Variants in EBF1 observed in about 807,000 individuals in gnomAD.
The protein encoded by EBF1 is transcription factor COE1.
EBF1 carries 10 observed loss-of-function variants against 68.4 expected under a neutral mutation model. The ratio of observed to expected loss-of-function variants is 0.15; its 90% CI spans 0.09 to 0.25. The LOEUF is 0.25. EBF1 is among the 10% of genes least tolerant of loss of function. The pLI is 1.00. For missense variants in EBF1, 509 were observed against 794.4 expected (o/e 0.64, Z 4.32); for synonymous variants, 298 against 299.8 (o/e 0.99, Z 0.06).
chr5:158,864,131 G>A (rs538328803), intron 6 of EBF1, among the ~76,000 whole-genome samples: 1 of 150,538 alleles, frequency 6.6e-6, no homozygotes, highest in East Asian at 2.0e-4. Flanking sequence ...GGCTGAAGCA[G>A]GAGAATCACT....
At chr5:158,739,272 A>T (rs888128253) in intron 10 of EBF1, among the ~76,000 whole-genome samples, 10 of 152,216 alleles carry the variant, frequency 6.6e-5, no homozygotes, top group African/African-American at 2.2e-4. Flanking sequence ...CTGGAGGGCT[A>T]TACTGTGTCT....
chr5:158,867,576 G>T (rs555536057), intron 6 of EBF1, among the ~76,000 whole-genome samples: 8 of 152,252 alleles, frequency 5.3e-5, no homozygotes, highest in African/African-American at 1.7e-4. Context: ...GGCAAAGAAG[G>T]CCTGAGATTT....
chr5:158,877,981 T>A (rs1361755240), intron 6 of EBF1, among the ~76,000 whole-genome samples: 1 of 151,838 alleles, frequency 6.6e-6, no homozygotes, highest in Non-Finnish European at 1.5e-5. Context: ...TAACTCCATG[T>A]TGCTGTATGG....
intron 15 of EBF1, chr5:158,707,690 T>C (rs543296199): frequency 4.7e-5 from 19 of 402,600 alleles, no homozygotes; most frequent in Non-Finnish European, 8.6e-5. Flanking sequence ...ATGATGCTGT[T>C]AGTCAGTAGA....
chr5:159,053,614 C>CAG (rs1453333088), intron 6 of EBF1, among the ~76,000 whole-genome samples: 1 of 151,610 alleles, frequency 6.6e-6, no homozygotes, highest in African/African-American at 2.4e-5. Context: ...CTCACACACA[C>CAG]ACACACACAC....
chr5:159,024,003 T>C (rs1221214537), intron 6 of EBF1, among the ~76,000 whole-genome samples: 1 of 152,154 alleles, frequency 6.6e-6, no homozygotes, highest in Admixed American at 6.5e-5. Flanking sequence ...GCTAGTGGGA[T>C]TATTCAAGCA....
chr5:158,775,732 A>G (rs1164210988), intron 10 of EBF1, among the ~76,000 whole-genome samples: 1 of 146,332 alleles, frequency 6.8e-6, no homozygotes, highest in East Asian at 2.1e-4. Context: ...CAGCCCCATA[A>G]TGAGACTTGT....
intron 7 of EBF1, 91 bp from the exon 8 acceptor site, chr5:158,823,408 G>A (rs1319240506): frequency 5.9e-5 from 73 of 1,240,404 alleles, no homozygotes; most frequent in South Asian, 1.5e-5. Flanking sequence ...GCTGGGAGCT[G>A]AAGAAAATTG....
intron 6 of EBF1, among the ~76,000 whole-genome samples, chr5:158,850,153 T>A (rs2127993866): frequency 6.6e-6 from 1 of 152,354 alleles, no homozygotes; most frequent in African/African-American, 2.4e-5. Context: ...CATTCAAGTG[T>A]AACCCAAAGG....
At chr5:158,987,947 T>G (rs755773582) in intron 6 of EBF1, among the ~76,000 whole-genome samples, 7 of 152,002 alleles carry the variant, frequency 4.6e-5, no homozygotes, top group Non-Finnish European at 7.4e-5. Flanking sequence ...GGGAATGGCA[T>G]CCCCCCGGGG....
chr5:159,069,363 CT>C (rs1481583417), intron 6 of EBF1, among the ~76,000 whole-genome samples: 1 of 152,090 alleles, frequency 6.6e-6, no homozygotes, highest in African/African-American at 2.4e-5. Context: ...AAGCTGCCCC[CT>C]ATCCCACCCC....
At chr5:158,971,750 A>G (rs989864357) in intron 6 of EBF1, among the ~76,000 whole-genome samples, 4 of 152,132 alleles carry the variant, frequency 2.6e-5, no homozygotes, top group African/African-American at 9.7e-5. Context: ...TAAAAAGCCC[A>G]CAGAACCAAC....
intron 10 of EBF1, among the ~76,000 whole-genome samples, chr5:158,732,524 T>G (rs1764309428): frequency 6.6e-6 from 1 of 152,034 alleles, no homozygotes; most frequent in Non-Finnish European, 1.5e-5. Flanking sequence ...TAAAAGGCTA[T>G]CAATCATTTC....
chr5:158,770,146 C>T (rs2127650514), intron 10 of EBF1, among the ~76,000 whole-genome samples: 1 of 152,178 alleles, frequency 6.6e-6, no homozygotes, highest in Middle Eastern at 3.4e-3. Flanking sequence ...CCTTGGGATG[C>T]ACAGAAAAGT....
At chr5:158,911,640 CATAAT>C (rs1805998156) in intron 6 of EBF1, among the ~76,000 whole-genome samples, 1 of 149,624 alleles carries the variant, frequency 6.7e-6, no homozygotes, top group Non-Finnish European at 1.5e-5. Flanking sequence ...CAAATCATAA[CATAAT>C]AATCATCATC....
chr5:159,079,803 T>C (rs1038097888), intron 5 of EBF1, among the ~76,000 whole-genome samples: 1 of 151,834 alleles, frequency 6.6e-6, no homozygotes, highest in Non-Finnish European at 1.5e-5. Flanking sequence ...TTGGTAGAGA[T>C]GGGGTTTCAC....
At chr5:159,042,490 T>C (rs1424364190) in intron 6 of EBF1, among the ~76,000 whole-genome samples, 1 of 152,120 alleles carries the variant, frequency 6.6e-6, no homozygotes, top group African/African-American at 2.4e-5. Context: ...TGAATTCAAA[T>C]ATCCTAAATG....
intron 6 of EBF1, among the ~76,000 whole-genome samples, chr5:159,050,111 G>C (rs1407327036): frequency 1.3e-5 from 2 of 151,892 alleles, no homozygotes; most frequent in Non-Finnish European, 2.9e-5. Context: ...GGAGAACCAG[G>C]GGACAGCGGG....
intron 1 of EBF1, 69 bp downstream of exon 1, chr5:159,099,271 TGCCGC>T: frequency 8.0e-7 from 1 of 1,244,650 alleles, no homozygotes; most frequent in Non-Finnish European, 1.0e-6. Flanking sequence ...CAGCTGCCGC[TGCCGC>T]TGCCGCCTCC....
Sources: gnomAD v4.1 joint callset for allele counts (sites outside exome capture counted in the v4.1 genomes callset) on GRCh38, gnomAD v4.1.1 for gene constraint, MANE v1.5 for transcripts, NCBI Gene and HGNC (gene_info 2026-07-23, HGNC 2026-07-21) for gene names.